ADGRL3: variants seen among roughly 807,000 people sequenced by gnomAD.
ADGRL3 encodes the protein calcium-independent alpha-latrotoxin receptor 3.
A neutral mutation model predicts 153.5 loss-of-function variants in ADGRL3; 62 were observed. The ratio of observed to expected loss-of-function variants is 0.40; its 90% CI spans 0.33 to 0.50. The LOEUF is 0.50. ADGRL3 is among the 20% of genes least tolerant of loss of function. The pLI, the probability that ADGRL3 is intolerant of heterozygous loss-of-function variation, is 0.47. For synonymous variants in ADGRL3, 710 were observed against 672.5 expected (o/e 1.06, Z -0.86); for missense variants, 1,641 against 1,859.4 (o/e 0.88, Z 2.16).
At chr4:61,983,831 C>A (rs1277128049) in intron 19 of ADGRL3, among the ~76,000 whole-genome samples, 1 of 152,030 alleles carries the variant, frequency 6.6e-6, no homozygotes, top group Non-Finnish European at 1.5e-5. Flanking sequence ...TACATCATAA[C>A]CTTGTGTAAT....
chr4:61,821,189 C>CA (rs34391051), intron 9 of ADGRL3, among the ~76,000 whole-genome samples: 45,091 of 107,558 alleles, frequency 0.42, 8,957 homozygotes, highest in East Asian at 0.62. Context: ...TGCCAATTAC[C>CA]AAAAAAAAAA....
At chr4:61,232,386 G>A (rs1751048713) in intron 1 of ADGRL3, among the ~76,000 whole-genome samples, 1 of 150,346 alleles carries the variant, frequency 6.7e-6, no homozygotes, top group Non-Finnish European at 1.5e-5. Flanking sequence ...TCGGCTCACT[G>A]CAACCTCCAC....
intron 1 of ADGRL3, among the ~76,000 whole-genome samples, chr4:61,240,728 A>G (rs1754596105): frequency 6.6e-6 from 1 of 151,964 alleles, no homozygotes; most frequent in Non-Finnish European, 1.5e-5. Flanking sequence ...AGTTTCCATA[A>G]ATGTTTATTT....
chr4:62,064,953 C>T lies in ADGRL3; in HGVS notation c.3815-3213C>T, dbSNP rs1424894283. Among the ~76,000 whole-genome samples the T allele has an allele frequency of 2.6e-5, 4 of 152,106 alleles. No individual in the cohort carries two copies. The East Asian group carries it at 7.7e-4, about 29-fold the overall frequency. On this transcript the variant is annotated intron_variant, in intron 25 of 26. Transcript: ENST00000683033. ...TCAGCTCACTTTGAATTTAAAATTT[C>T]TTAAGGGATATATGTCTTTAGAATT... is the stretch of plus-strand genomic sequence containing the variant.
rs1745882229 is a variant in ADGRL3 at position 62,072,170 on chromosome 4, A to C, written c.*1262A>C. ...CACCTGCACTACCACTTTTTAGAGG[A>C]AATTCACTCCCTCGTAAGCATTGGA... On this transcript the variant is annotated 3_prime_UTR_variant, in exon 27 of 27. Transcript: ENST00000683033. The C allele has an allele frequency of 6.6e-6, 1 of 152,646 alleles. No individual in the cohort carries two copies. The highest frequency in any genetic ancestry group is 2.4e-5 in the African/African-American group (1 of 41,444). The allele number at this position is 152,646 out of a possible 1,614,324, so 9.5% of individuals were successfully genotyped here. A position where few individuals can be genotyped will look rare whatever the true frequency, so the allele number is the denominator to read the frequency against.
At chr4:61,588,486 A>G (rs1200579141) in intron 5 of ADGRL3, among the ~76,000 whole-genome samples, 1 of 151,990 alleles carries the variant, frequency 6.6e-6, no homozygotes, top group Non-Finnish European at 1.5e-5. Flanking sequence ...AATTATAAAT[A>G]CGAATTATAA....
At chr4:61,920,537 A>C (rs760708706) in intron 13 of ADGRL3, among the ~76,000 whole-genome samples, 40 of 152,208 alleles carry the variant, frequency 2.6e-4, no homozygotes, top group Non-Finnish European at 5.3e-4. Flanking sequence ...AAAGTTAGCT[A>C]TGGTAGCTTA....
At chr4:61,403,449 G>A (rs2096955356) in intron 2 of ADGRL3, among the ~76,000 whole-genome samples, 1 of 152,008 alleles carries the variant, frequency 6.6e-6, no homozygotes. Flanking sequence ...ATAACCCAGA[G>A]AGATTCTGGG....
At chr4:62,014,400 T>A (rs2151294119) in intron 21 of ADGRL3, among the ~76,000 whole-genome samples, 1 of 152,216 alleles carries the variant, frequency 6.6e-6, no homozygotes, top group South Asian at 2.1e-4. Flanking sequence ...CAGGATATAA[T>A]TTGTGGGGAG....
At chr4:61,506,352 G>A (rs759112701) in intron 3 of ADGRL3, among the ~76,000 whole-genome samples, 4 of 152,020 alleles carry the variant, frequency 2.6e-5, no homozygotes, top group Admixed American at 1.3e-4. Context: ...CCATCTTGGG[G>A]TCACTTACAT....
At chr4:61,601,504 T>C (rs375223983) in intron 5 of ADGRL3, among the ~76,000 whole-genome samples, 8 of 152,320 alleles carry the variant, frequency 5.3e-5, no homozygotes, top group African/African-American at 1.9e-4. Context: ...TAAACTTTGG[T>C]CATAGTTTTG....
At chr4:61,755,668 G>C (rs1167823130) in intron 8 of ADGRL3, among the ~76,000 whole-genome samples, 3 of 152,076 alleles carry the variant, frequency 2.0e-5, no homozygotes, top group Non-Finnish European at 4.4e-5. Flanking sequence ...CATTGCTTTT[G>C]GTGTTTTAGA....
rs188338323 is a variant in ADGRL3 at position 61,390,450 on chromosome 4, T to C, written c.-174+7261T>C. On this transcript the variant is annotated intron_variant, in intron 2 of 26. Transcript: ENST00000683033. ...TGAGGTCTGTTCTGAGCTATAAATA[T>C]TTATAGATCGGTGTTTTGTGTCATA... is the stretch of plus-strand genomic sequence containing the variant. Among the ~76,000 whole-genome samples, 6 of 152,326 alleles carry C rather than the reference T, an allele frequency of 3.9e-5. No homozygotes were observed. The East Asian group carries it at 9.6e-4, about 24-fold the overall frequency.
chr4:61,766,386 T>C (rs977061296), intron 8 of ADGRL3, among the ~76,000 whole-genome samples: 3 of 152,108 alleles, frequency 2.0e-5, no homozygotes, highest in African/African-American at 7.2e-5. Context: ...AGCAGCTGCA[T>C]GCAGACATGA....
intron 1 of ADGRL3, among the ~76,000 whole-genome samples, chr4:61,325,601 G>A (rs2095447707): frequency 6.6e-6 from 1 of 152,010 alleles, no homozygotes; most frequent in Admixed American, 6.6e-5. Context: ...AGGTGTTGAG[G>A]GACAGGGTAA....
intron 8 of ADGRL3, among the ~76,000 whole-genome samples, chr4:61,751,002 C>A (rs6817781): frequency 3.3e-5 from 5 of 151,956 alleles, no homozygotes; most frequent in Non-Finnish European, 7.4e-5. Context: ...AGCAGGTGAG[C>A]GAGCATTACT....
intron 8 of ADGRL3, among the ~76,000 whole-genome samples, chr4:61,754,884 C>A (rs2096803387): frequency 1.3e-5 from 2 of 151,048 alleles, no homozygotes; most frequent in Admixed American, 1.3e-4. Context: ...TTTTTTTATT[C>A]TTGCGATAGT....
At position 61,200,553 on chromosome 4, in the gene ADGRL3, T is replaced by C. The variant is rs1353691658; in HGVS notation, c.-1452T>C. Among the ~76,000 whole-genome samples, 6 of 151,530 alleles carry C rather than the reference T, an allele frequency of 4.0e-5. No individual in the cohort carries two copies. In the East Asian group the frequency reaches 1.2e-3, roughly 30 times the overall value. On this transcript the variant is annotated 5_prime_UTR_variant, in exon 1 of 27. Transcript: ENST00000683033. ...CTGCTGGTTTTTCTCGGACTGCTCGTTGCCTCCGCTCCGGCAGCTGCTGCC... is the reference window on the plus strand; with the variant it reads ...CTGCTGGTTTTTCTCGGACTGCTCGCTGCCTCCGCTCCGGCAGCTGCTGCC...
At chr4:61,905,272 A>G (rs751193086) in intron 11 of ADGRL3, among the ~76,000 whole-genome samples, 1 of 152,168 alleles carries the variant, frequency 6.6e-6, no homozygotes, top group East Asian at 1.9e-4. Flanking sequence ...CTATACCAAC[A>G]TCTCACTAAA....
Sources: allele counts gnomAD v4.1 joint callset (sites outside exome capture counted in the v4.1 genomes callset), GRCh38; gene constraint gnomAD v4.1.1; transcripts MANE v1.5; gene names NCBI Gene and HGNC (gene_info 2026-07-23, HGNC 2026-07-21).